Variants in CNTNAP2 observed in about 807,000 individuals in gnomAD.
CNTNAP2 encodes the protein contactin-associated protein-like 2.
CNTNAP2 carries 98 observed loss-of-function variants against 155.2 expected under a neutral mutation model. That is an observed-to-expected ratio of 0.63 (90% CI 0.54 to 0.75). CNTNAP2 has a LOEUF of 0.75. CNTNAP2 is among the 30% of genes least tolerant of loss of function. The probability of loss-of-function intolerance (pLI) is 0.00; values close to 1 mark genes in which losing one functional copy is unlikely to be tolerated. For missense variants in CNTNAP2, 1,727 were observed against 1,688.1 expected (o/e 1.02, Z -0.40); for synonymous variants, 651 against 631.2 (o/e 1.03, Z -0.47).
At chr7:146,631,292 T>TG (rs1429378638) in intron 1 of CNTNAP2, among the ~76,000 whole-genome samples, 1 of 152,164 alleles carries the variant, frequency 6.6e-6, no homozygotes, top group Non-Finnish European at 1.5e-5. Context: ...ATATTTGAAA[T>TG]GGTCAATTGA....
At chr7:148,191,861 T>G (rs1228115350) in intron 18 of CNTNAP2, among the ~76,000 whole-genome samples, 2 of 152,246 alleles carry the variant, frequency 1.3e-5, no homozygotes, top group African/African-American at 4.8e-5. Context: ...AACAGTTTAC[T>G]TCTGTTTCCT....
intron 1 of CNTNAP2, among the ~76,000 whole-genome samples, chr7:146,757,587 T>C (rs904514491): frequency 5.9e-5 from 9 of 152,124 alleles, no homozygotes; most frequent in African/African-American, 2.2e-4. Flanking sequence ...GCTTTACAAA[T>C]GGAGAAACTG....
intron 8 of CNTNAP2, among the ~76,000 whole-genome samples, chr7:147,165,299 T>C (rs1165805852): frequency 6.6e-6 from 1 of 152,218 alleles, no homozygotes; most frequent in African/African-American, 2.4e-5. Flanking sequence ...TATATTTTCT[T>C]TTGAGAATTG....
intron 11 of CNTNAP2, among the ~76,000 whole-genome samples, chr7:147,499,591 T>A (rs1798773646): frequency 6.6e-6 from 1 of 152,132 alleles, no homozygotes; most frequent in Admixed American, 6.5e-5. Context: ...AAATGAGTCC[T>A]CTGAAATGCT....
At chr7:147,752,262 A>T (rs1359493512) in intron 13 of CNTNAP2, among the ~76,000 whole-genome samples, 1 of 152,178 alleles carries the variant, frequency 6.6e-6, no homozygotes, top group Admixed American at 6.5e-5. Context: ...TGTTCTGTGC[A>T]AGAAAACCTG....
At chr7:146,798,057 T>G (rs577362143) in intron 2 of CNTNAP2, among the ~76,000 whole-genome samples, 1 of 152,254 alleles carries the variant, frequency 6.6e-6, no homozygotes, top group East Asian at 1.9e-4. Flanking sequence ...GAGGATCACT[T>G]GAGCCTAGGA....
intron 8 of CNTNAP2, among the ~76,000 whole-genome samples, chr7:147,280,595 T>C (rs1584842079): frequency 6.6e-6 from 1 of 152,022 alleles, no homozygotes; most frequent in East Asian, 1.9e-4. Flanking sequence ...AGCAGTCTCA[T>C]TGTTCTTTCT....
intron 12 of CNTNAP2, among the ~76,000 whole-genome samples, chr7:147,593,421 G>A (rs1311447915): frequency 6.6e-6 from 1 of 151,800 alleles, no homozygotes; most frequent in East Asian, 1.9e-4. Context: ...GATGATAAGT[G>A]ACATGGCTCT....
chr7:146,247,969 C>T (rs1197118830), intron 1 of CNTNAP2, among the ~76,000 whole-genome samples: 6 of 148,694 alleles, frequency 4.0e-5, no homozygotes, highest in East Asian at 2.0e-4. Flanking sequence ...AATAAGGGAT[C>T]GGGGTGCAGA....
intron 1 of CNTNAP2, among the ~76,000 whole-genome samples, chr7:146,436,129 T>C (rs1796239632): frequency 6.6e-6 from 1 of 152,192 alleles, no homozygotes. Flanking sequence ...GTTAATTACC[T>C]ATAACTAGCA....
chr7:148,097,643 C>G (rs1029662943), intron 15 of CNTNAP2, among the ~76,000 whole-genome samples: 5 of 152,084 alleles, frequency 3.3e-5, no homozygotes, highest in Non-Finnish European at 1.5e-5. Context: ...TAAATAACTT[C>G]AACAAATATT....
chr7:147,544,008 C>A (rs925681132), intron 11 of CNTNAP2, among the ~76,000 whole-genome samples: 7 of 151,996 alleles, frequency 4.6e-5, no homozygotes, highest in African/African-American at 1.7e-4. Flanking sequence ...TATAAATATT[C>A]TTCATGTCAT....
intron 16 of CNTNAP2, among the ~76,000 whole-genome samples, chr7:148,125,677 GTGTGTGTGTGTGTA>G: frequency 6.9e-6 from 1 of 145,614 alleles, no homozygotes; most frequent in Non-Finnish European, 1.5e-5. Flanking sequence ...GTGTGTGTGT[GTGTGTGTGTGTGTA>G]TATATATATA....
At chr7:146,585,096 T>A (rs189192700) in intron 1 of CNTNAP2, among the ~76,000 whole-genome samples, 3 of 140,458 alleles carry the variant, frequency 2.1e-5, no homozygotes, top group East Asian at 4.0e-4. Flanking sequence ...AAGTTGAGTA[T>A]CTTGGTGTTT....
chr7:147,651,896 C>T lies in CNTNAP2; in HGVS notation c.2098+12590C>T, dbSNP rs137918009. Among the ~76,000 whole-genome samples, 6 of 152,294 alleles carry T rather than the reference C, an allele frequency of 3.9e-5. No individual in the cohort carries two copies. In the East Asian group the frequency reaches 9.6e-4, roughly 24 times the overall value. The stretch of plus-strand genomic sequence containing the variant: ...GCCAAATACAAACATCCTCTTTCTA[C>T]AACCTTCGGAAAGCTGCAATGTAGC... On this transcript the variant is annotated intron_variant, in intron 13 of 23. Coordinates refer to ENST00000361727, the MANE Select transcript of CNTNAP2 (RefSeq NM_014141.6).
chr7:148,022,398 G>T (rs1356850410), intron 15 of CNTNAP2, among the ~76,000 whole-genome samples: 1 of 151,776 alleles, frequency 6.6e-6, no homozygotes. Context: ...GAACCCGGGA[G>T]GCGGAAGTTG....
intron 1 of CNTNAP2, among the ~76,000 whole-genome samples, chr7:146,611,676 CTG>C (rs1799140497): frequency 6.6e-6 from 1 of 152,270 alleles, no homozygotes; most frequent in South Asian, 2.1e-4. Context: ...ATTTTGTTCT[CTG>C]TCTCTTCAGT....
At chr7:147,393,682 T>C (rs1230619944) in intron 9 of CNTNAP2, among the ~76,000 whole-genome samples, 1 of 151,934 alleles carries the variant, frequency 6.6e-6, no homozygotes, top group Non-Finnish European at 1.5e-5. Flanking sequence ...CTGAAGGGAC[T>C]AAGTCAATGC....
chr7:147,496,387 G>C (rs1363041773), intron 11 of CNTNAP2, among the ~76,000 whole-genome samples: 4 of 152,094 alleles, frequency 2.6e-5, no homozygotes. Context: ...AAGGAGAACT[G>C]GTAAGGCTGC....
Sources: allele counts gnomAD v4.1 joint callset (sites outside exome capture counted in the v4.1 genomes callset), GRCh38; gene constraint gnomAD v4.1.1; transcripts MANE v1.5; gene names NCBI Gene and HGNC (gene_info 2026-07-23, HGNC 2026-07-21).